Variants in OR7E24 observed in about 807,000 individuals in gnomAD.
The protein encoded by OR7E24 is olfactory receptor family 7 subfamily E member 24, also known as olfactory receptor 7E24.
For synonymous variants in OR7E24, 130 were observed against 157.5 expected, an observed-to-expected ratio of 0.83 and a Z score of 1.31; for missense variants, 385 against 410.3, an observed-to-expected ratio of 0.94 and a Z score of 0.53.
the OR7E24 span, chr19:9,214,986 AGGAAGT>A: frequency 1.7e-6 from 1 of 595,444 alleles, no homozygotes; most frequent in Non-Finnish European, 3.0e-6. Flanking sequence ...TGAATCTCTC[AGGAAGT>A]GGTATCTATT....
At chr19:9,229,325 T>G in the OR7E24 span, among the ~76,000 whole-genome samples, 2 of 151,196 alleles carry the variant, frequency 1.3e-5, no homozygotes, top group Non-Finnish European at 3.0e-5. Context: ...AGGTCAGGAG[T>G]TCGAGACCAG....
chr19:9,248,971 A>C (rs539203195), upstream of OR7E24, among the ~76,000 whole-genome samples: 3 of 152,310 alleles, frequency 2.0e-5, no homozygotes, highest in South Asian at 4.1e-4. Context: ...CTGAGGCTCA[A>C]CACTATCATC....
chr19:9,219,908 T>C, the OR7E24 span, among the ~76,000 whole-genome samples: 2 of 152,178 alleles, frequency 1.3e-5, no homozygotes, highest in African/African-American at 2.4e-5. Context: ...GAAAGATTAA[T>C]TTCTGCAAGG....
chr19:9,247,212 C>T (rs568241335), upstream of OR7E24: 13 of 345,626 alleles, frequency 3.8e-5, no homozygotes, highest in South Asian at 4.6e-4. Context: ...CTTCTTCTTC[C>T]TCTGTTAATA....
the OR7E24 span, chr19:9,212,887 G>C: frequency 6.6e-6 from 1 of 152,094 alleles, no homozygotes; most frequent in Admixed American, 6.6e-5. Flanking sequence ...CAAGTAGCTG[G>C]GAAGACAGGT....
the OR7E24 span, chr19:9,219,150 A>G: frequency 5.3e-5 from 8 of 152,130 alleles, no homozygotes; most frequent in African/African-American, 1.9e-4. Flanking sequence ...CAGGAAAAAT[A>G]TAGAATATAA....
chr19:9,213,807 T>C, the OR7E24 span: 1 of 907,380 alleles, frequency 1.1e-6, no homozygotes, highest in Non-Finnish European at 1.7e-6. Flanking sequence ...CAAGCACATT[T>C]TTTAAAAGAG....
chr19:9,207,225 A>G, the OR7E24 span: 1 of 152,232 alleles, frequency 6.6e-6, no homozygotes. Context: ...GAAAGGGAAA[A>G]TAGAAAAGGA....
chr19:9,209,633 T>G, the OR7E24 span: 1 of 150,804 alleles, frequency 6.6e-6, no homozygotes. Context: ...ACTGTGACCT[T>G]GAGTATAAAA....
At chr19:9,230,088 A>C in the OR7E24 span, among the ~76,000 whole-genome samples, 1 of 149,874 alleles carries the variant, frequency 6.7e-6, no homozygotes, top group African/African-American at 2.5e-5. Flanking sequence ...CTTATTACCC[A>C]AGCTGGAGTG....
the OR7E24 span, among the ~76,000 whole-genome samples, chr19:9,237,366 A>G: frequency 1.9e-4 from 29 of 151,960 alleles, no homozygotes; most frequent in Non-Finnish European, 4.0e-4. Flanking sequence ...GCTGGAGTGC[A>G]GTGGCACGAT....
Position 9,250,961 on chromosome 19 carries a change from G to C in OR7E24, c.-83G>C. The stretch of plus-strand genomic sequence containing the variant: ...TGTCACAACTGAGAACTATTGCTGA[G>C]GGTGTATAATCCTATGTGAAAACTT... On this transcript the variant is annotated 5_prime_UTR_variant, in exon 1 of 1. Coordinates refer to ENST00000456448, the MANE Select transcript of OR7E24 (RefSeq NM_001079935.2). 2 of 988,088 alleles carry C rather than the reference G, an allele frequency of 2.0e-6. No homozygotes were observed. Among genetic ancestry groups the C allele is most frequent in the Non-Finnish European group, 3.0e-6 (2 of 676,214 alleles). The allele number at this position is 988,088 out of a possible 1,614,324, so 61.2% of individuals were successfully genotyped here.
chr19:9,244,150 A>G (rs1217459811), upstream of OR7E24, among the ~76,000 whole-genome samples: 4 of 152,248 alleles, frequency 2.6e-5, no homozygotes, highest in Non-Finnish European at 5.9e-5. Context: ...AGTGTATTTG[A>G]AAAACCTTGG....
the OR7E24 span, chr19:9,236,084 G>C: frequency 7.0e-7 from 1 of 1,428,982 alleles, no homozygotes; most frequent in Non-Finnish European, 9.8e-7. Flanking sequence ...TGTCTCTTAC[G>C]GTACACAACC....
the OR7E24 span, chr19:9,213,992 G>A: frequency 6.2e-7 from 1 of 1,614,126 alleles, no homozygotes; most frequent in Admixed American, 1.7e-5. Flanking sequence ...TCAGCATGGG[G>A]GTGACCATGG....
chr19:9,234,541 A>G, the OR7E24 span, among the ~76,000 whole-genome samples: 5 of 152,222 alleles, frequency 3.3e-5, no homozygotes, highest in African/African-American at 1.2e-4. Context: ...ACAACATTGT[A>G]TTGCATATTT....
chr19:9,227,959 T>G, the OR7E24 span, among the ~76,000 whole-genome samples: 1 of 151,610 alleles, frequency 6.6e-6, no homozygotes, highest in South Asian at 2.1e-4. Context: ...TTCACCGTTT[T>G]AGCCGGGATG....
the OR7E24 span, among the ~76,000 whole-genome samples, chr19:9,227,126 A>G: frequency 2.0e-5 from 3 of 152,134 alleles, no homozygotes; most frequent in Admixed American, 6.5e-5. Context: ...GCTTTCACCT[A>G]TAAGTGAGAA....
chr19:9,224,626 A>ATGG, the OR7E24 span, among the ~76,000 whole-genome samples: 1 of 152,074 alleles, frequency 6.6e-6, no homozygotes, highest in Non-Finnish European at 1.5e-5. Flanking sequence ...TTAACTGAGC[A>ATGG]TGGTGGTGCA....
Sources: allele counts gnomAD v4.1 joint callset (sites outside exome capture counted in the v4.1 genomes callset), GRCh38; gene constraint gnomAD v4.1.1; transcripts MANE v1.5; gene names NCBI Gene and HGNC (gene_info 2026-07-23, HGNC 2026-07-21).